FXR1: variants seen among roughly 807,000 people sequenced by gnomAD.
The protein encoded by FXR1 is FMR1 autosomal homolog 1, also known as RNA-binding protein FXR1.
Under a neutral mutation model 84.0 loss-of-function variants are expected in FXR1, and 15 were observed. That is an observed-to-expected ratio of 0.18 (90% CI 0.12 to 0.27). The LOEUF (loss-of-function observed/expected upper bound fraction) is 0.27, where lower values mean the gene tolerates loss of function less well. Ranked by LOEUF, FXR1 falls within the 10% of genes least tolerant of loss-of-function variation. The pLI, the probability that FXR1 is intolerant of heterozygous loss-of-function variation, is 1.00. For synonymous variants in FXR1, 245 were observed against 250.7 expected (o/e 0.98, Z 0.21); for missense variants, 480 against 774.4 (o/e 0.62, Z 4.51).
Position 180,944,854 on chromosome 3 carries a change from C to A in FXR1, c.199-3011C>A, listed in dbSNP as rs1721531047. 2.6e-5 allele frequency among the ~76,000 whole-genome samples: 4 copies of A among 152,220 alleles called. No homozygotes were observed. The South Asian group carries it at 8.3e-4, about 31-fold the overall frequency. ...TCCAGGCTGGTCTCGAACTCTGGAG[C>A]CAAAGTGATCTGCCCACCTCAGCCT... On this transcript the variant is annotated intron_variant, in intron 3 of 16. Transcript: ENST00000357559.
chr3:180,951,478 C>G lies in FXR1; in HGVS notation c.801+10C>G. 1 of 1,589,914 alleles carries G rather than the reference C, an allele frequency of 6.3e-7. No homozygotes were observed. The highest frequency in any genetic ancestry group is 1.1e-5 in the South Asian group (1 of 88,748). On this transcript the variant is annotated intron_variant, in intron 8 of 16. Coordinates refer to ENST00000357559, the MANE Select transcript of FXR1 (RefSeq NM_005087.4). ...CAGAATCTACGGAGAGGTAAGTTCTCTTTCTCCTGCCTTGGCCTTTAGTGT... is the reference window on the plus strand; with the variant it reads ...CAGAATCTACGGAGAGGTAAGTTCTGTTTCTCCTGCCTTGGCCTTTAGTGT...
At chr3:180,970,101 ACATT>A (rs1472027067) in intron 14 of FXR1, 53 bp from the exon 15 acceptor site, 2 of 890,894 alleles carry the variant, frequency 2.2e-6, no homozygotes, top group South Asian at 1.3e-5. Flanking sequence ...TATAGATCAA[ACATT>A]CATAATTGCA....
rs1422970152 is a variant in FXR1 at position 180,979,499 on chromosome 3, AC to A, written c.*3208del. 5.9e-5 allele frequency: 9 copies of A among 151,866 alleles called. No homozygotes were observed. The highest frequency in any genetic ancestry group is 1.4e-4 in the African/African-American group (6 of 41,448). 9.4% of individuals were successfully genotyped at this position (151,866 alleles called of 1,614,324 possible). A position where few individuals can be genotyped will look rare whatever the true frequency, so the allele number is the denominator to read the frequency against. On this transcript the variant is annotated 3_prime_UTR_variant, in exon 17 of 17. Coordinates refer to ENST00000357559, the MANE Select transcript of FXR1 (RefSeq NM_005087.4). ...CTTTGCTACACGATTTGGATCCCTT[AC>A]GCTTTTTCGTTAAGAATATCTGTCT...
At chr3:180,924,080 T>G (rs1167458705) in intron 1 of FXR1, among the ~76,000 whole-genome samples, 1 of 152,098 alleles carries the variant, frequency 6.6e-6, no homozygotes, top group Non-Finnish European at 1.5e-5. Flanking sequence ...TCCCTCAGGC[T>G]CCCAGGTAGC....
chr3:180,913,252 A>C (rs1051964445), intron 1 of FXR1, among the ~76,000 whole-genome samples: 3 of 152,088 alleles, frequency 2.0e-5, no homozygotes, highest in Admixed American at 1.3e-4. Flanking sequence ...TGGGCCAACA[A>C]ATCTTTAGTG....
chr3:180,955,790 A>G (rs1344536329), intron 9 of FXR1, among the ~76,000 whole-genome samples: 1 of 152,190 alleles, frequency 6.6e-6, no homozygotes, highest in Non-Finnish European at 1.5e-5. Context: ...AAAGTTTCTG[A>G]TATTTCAAAA....
chr3:180,968,405 GA>G (rs1408923651), intron 14 of FXR1, 151 bp downstream of exon 14: 5 of 612,092 alleles, frequency 8.2e-6, no homozygotes, highest in African/African-American at 1.8e-5. Flanking sequence ...GCAGTATCAG[GA>G]AAAGCCCTCG....
Position 180,982,394 on chromosome 3 carries a change from T to C in FXR1, c.*6102T>C, listed in dbSNP as rs944451969. ...AAATGTTCAGTTTGCCTAATAGCCT[T>C]CAATGAAACACGGATTCTTCTACTT... On this transcript the variant is annotated 3_prime_UTR_variant, in exon 17 of 17. Coordinates refer to ENST00000357559, the MANE Select transcript of FXR1 (RefSeq NM_005087.4). The C allele has an allele frequency of 6.6e-6, 1 of 152,092 alleles. No individual in the cohort carries two copies. The highest frequency in any genetic ancestry group is 1.5e-5 in the Non-Finnish European group (1 of 67,984). 9.4% of individuals were successfully genotyped at this position (152,092 alleles called of 1,614,324 possible). A position where few individuals can be genotyped will look rare whatever the true frequency, so the allele number is the denominator to read the frequency against.
chr3:180,978,319 C>T lies in FXR1; in HGVS notation c.*2027C>T, dbSNP rs1247584981. On this transcript the variant is annotated 3_prime_UTR_variant, in exon 17 of 17. Transcript: ENST00000357559. The stretch of plus-strand genomic sequence containing the variant: ...AAGAGTGAGTATAGCTGAACCAATT[C>T]TTCATTCTAGCAATAACCACACTAA... The T allele has an allele frequency of 6.6e-6, 1 of 151,958 alleles. No homozygotes were observed. The highest frequency in any genetic ancestry group is 6.6e-5 in the Admixed American group (1 of 15,252). The allele number at this position is 151,958 out of a possible 1,614,324, so 9.4% of individuals were successfully genotyped here.
intron 1 of FXR1, among the ~76,000 whole-genome samples, chr3:180,930,375 T>C (rs1230252476): frequency 6.6e-6 from 1 of 152,020 alleles, no homozygotes; most frequent in Admixed American, 6.6e-5. Flanking sequence ...AAGGTGGAAG[T>C]GGTGATTTTT....
At chr3:180,933,838 C>T (rs767261104) in intron 2 of FXR1, among the ~76,000 whole-genome samples, 21 of 152,050 alleles carry the variant, frequency 1.4e-4, no homozygotes, top group Non-Finnish European at 1.9e-4. Flanking sequence ...GGGCTGCGTG[C>T]GGTGGCTCAT....
At chr3:180,959,537 A>G (rs1057121077) in intron 10 of FXR1, among the ~76,000 whole-genome samples, 1 of 152,114 alleles carries the variant, frequency 6.6e-6, no homozygotes, top group Non-Finnish European at 1.5e-5. Flanking sequence ...TGGTAATACT[A>G]TTTCTTAGTC....
intron 16 of FXR1, among the ~76,000 whole-genome samples, 166 bp downstream of exon 16, chr3:180,975,570 A>T (rs779392654): frequency 2.0e-5 from 3 of 152,210 alleles, no homozygotes; most frequent in Admixed American, 6.5e-5. Flanking sequence ...AACTAAAGAT[A>T]TGCATGCTTG....
intron 9 of FXR1, among the ~76,000 whole-genome samples, chr3:180,957,133 C>T (rs185584111): frequency 1.0e-3 from 153 of 151,856 alleles, no homozygotes; most frequent in African/African-American, 3.3e-3. Context: ...CCTTTTGACC[C>T]CTTTATTTAT....
intron 14 of FXR1, among the ~76,000 whole-genome samples, chr3:180,969,545 T>C (rs1457426760): frequency 6.6e-6 from 1 of 152,338 alleles, no homozygotes; most frequent in African/African-American, 2.4e-5. Flanking sequence ...CTAGTCAGCA[T>C]TCGTTTCAAC....
At position 180,941,921 on chromosome 3, in the gene FXR1, A is replaced by G. The variant is rs1299516718; in HGVS notation, c.199-5944A>G. Among the ~76,000 whole-genome samples the G allele has an allele frequency of 7.2e-5, 11 of 152,358 alleles. No individual in the cohort carries two copies. The South Asian group carries it at 2.3e-3, about 32-fold the overall frequency. Reference sequence around the variant, plus strand: ...GGCAGATACATAATAGCAGTACTCAATAAATGTATTTCACATGTTGAAAAT... The same window carrying G: ...GGCAGATACATAATAGCAGTACTCAGTAAATGTATTTCACATGTTGAAAAT... On this transcript the variant is annotated intron_variant, in intron 3 of 16. Transcript: ENST00000357559.
At chr3:180,942,321 T>C (rs1721214645) in intron 3 of FXR1, among the ~76,000 whole-genome samples, 1 of 130,154 alleles carries the variant, frequency 7.7e-6, no homozygotes, top group African/African-American at 3.0e-5. Context: ...GAGCTCGCAG[T>C]GAGCTGAGAT....
rs747722640 is a variant in FXR1, at chr3:180,971,248, CAT to C, written c.1603+891_1603+892del. ...TAAATATATTATACTTACATGTACACATGTGTGCATATACATTCAAAATTTGC... is the reference window on the plus strand; with the variant it reads ...TAAATATATTATACTTACATGTACACGTGTGCATATACATTCAAAATTTGC... On this transcript the variant is annotated intron_variant, in intron 15 of 16. Coordinates refer to ENST00000357559, the MANE Select transcript of FXR1 (RefSeq NM_005087.4). 35 of 325,048 alleles carry C rather than the reference CAT, an allele frequency of 1.1e-4. 1 individual carries two copies. Among genetic ancestry groups the C allele is most frequent in the Admixed American group, 9.4e-4 (20 of 21,232 alleles). 20.1% of individuals were successfully genotyped at this position (325,048 alleles called of 1,614,324 possible). A position where few individuals can be genotyped will look rare whatever the true frequency, so the allele number is the denominator to read the frequency against.
At chr3:180,933,275 T>G in intron 1 of FXR1, 59 bp from the exon 2 acceptor site, 1 of 996,124 alleles carries the variant, frequency 1.0e-6, no homozygotes, top group East Asian at 2.4e-5. Flanking sequence ...TAATACAACC[T>G]TTTAGAGTTA....
Sources: allele counts gnomAD v4.1 joint callset (sites outside exome capture counted in the v4.1 genomes callset), GRCh38; gene constraint gnomAD v4.1.1; transcripts MANE v1.5; gene names NCBI Gene and HGNC (gene_info 2026-07-23, HGNC 2026-07-21).